The following ARK2N variants were observed in gnomAD, a reference collection of about 807,000 sequenced individuals.
ARK2N encodes protein ARK2N.
the ARK2N span, among the ~76,000 whole-genome samples, chr18:46,228,338 A>T: frequency 6.6e-6 from 1 of 152,194 alleles, no homozygotes; most frequent in Non-Finnish European, 1.5e-5. Context: ...AAACTGCTTC[A>T]AGCACTTAAC....
the ARK2N span, among the ~76,000 whole-genome samples, chr18:46,199,750 A>G: frequency 0.017 from 2,660 of 152,188 alleles, 74 homozygotes; most frequent in African/African-American, 0.06. Flanking sequence ...TGGGACTGCA[A>G]CTGTTTAACT....
At chr18:46,261,352 C>T in the ARK2N span, among the ~76,000 whole-genome samples, 2 of 152,204 alleles carry the variant, frequency 1.3e-5, no homozygotes. Context: ...CTGTTTAAGC[C>T]TCAGTTTCCC....
chr18:46,260,987 A>T, the ARK2N span, among the ~76,000 whole-genome samples: 12 of 152,200 alleles, frequency 7.9e-5, no homozygotes, highest in Non-Finnish European at 1.3e-4. Flanking sequence ...CAGATAAACA[A>T]TTGGGACTAT....
At chr18:46,239,209 C>T in the ARK2N span, among the ~76,000 whole-genome samples, 1 of 152,120 alleles carries the variant, frequency 6.6e-6, no homozygotes, top group African/African-American at 2.4e-5. Flanking sequence ...AACTCAGCTG[C>T]CTTTTTCAGC....
At chr18:46,180,459 C>G in the ARK2N span, among the ~76,000 whole-genome samples, 1 of 152,210 alleles carries the variant, frequency 6.6e-6, no homozygotes, top group Admixed American at 6.5e-5. Flanking sequence ...GTAATCCCAG[C>G]ACTTTGGGAG....
At chr18:46,237,574 A>G in the ARK2N span, among the ~76,000 whole-genome samples, 3 of 152,092 alleles carry the variant, frequency 2.0e-5, no homozygotes, top group African/African-American at 7.2e-5. Context: ...TTTTTAGTAG[A>G]GATGGGATTT....
At chr18:46,183,392 T>C in the ARK2N span, among the ~76,000 whole-genome samples, 942 of 152,324 alleles carry the variant, frequency 6.2e-3, 11 homozygotes, top group African/African-American at 0.021. Flanking sequence ...ATAATATATA[T>C]TCTTTCTCTT....
the ARK2N span, chr18:46,216,191 C>A: frequency 6.2e-7 from 1 of 1,613,968 alleles, no homozygotes; most frequent in Non-Finnish European, 8.5e-7. This position sits in a 1 kb window ranked among gnomAD's most constrained non-coding sequence, Gnocchi z 4.3. Context: ...GGTCACCTGG[C>A]TGATTCAGAT....
At chr18:46,228,513 G>A in the ARK2N span, among the ~76,000 whole-genome samples, 5 of 152,104 alleles carry the variant, frequency 3.3e-5, no homozygotes, top group Non-Finnish European at 7.4e-5. Context: ...GAATAATCAG[G>A]CAAGAGCTCT....
chr18:46,262,148 G>A, the ARK2N span, among the ~76,000 whole-genome samples: 2 of 152,186 alleles, frequency 1.3e-5, 1 homozygote, highest in Non-Finnish European at 2.9e-5. Context: ...AGAACTTAGT[G>A]TTTTGGCCTG....
chr18:46,176,701 TCCA>T, the ARK2N span, among the ~76,000 whole-genome samples: 1 of 151,682 alleles, frequency 6.6e-6, no homozygotes, highest in Non-Finnish European at 1.5e-5. Context: ...CACCGCAACC[TCCA>T]CCTCCTGGGT....
chr18:46,176,869 G>A, the ARK2N span, among the ~76,000 whole-genome samples: 1 of 152,092 alleles, frequency 6.6e-6, no homozygotes, highest in African/African-American at 2.4e-5. Flanking sequence ...TGCCTGCCTC[G>A]GCTCCCAGAG....
At chr18:46,250,529 G>GT in the ARK2N span, among the ~76,000 whole-genome samples, 638 of 39,834 alleles carry the variant, frequency 0.016, 6 homozygotes, top group African/African-American at 0.037. Flanking sequence ...ATTTTCCATT[G>GT]TTTTTTTTTC....
At chr18:46,237,236 C>T in the ARK2N span, among the ~76,000 whole-genome samples, 241 of 151,988 alleles carry the variant, frequency 1.6e-3, 1 homozygote, top group African/African-American at 5.7e-3. Context: ...AGAGATATTT[C>T]TTTTAAAAAG....
At chr18:46,202,279 A>C in the ARK2N span, among the ~76,000 whole-genome samples, 2 of 152,152 alleles carry the variant, frequency 1.3e-5, no homozygotes, top group Non-Finnish European at 2.9e-5. Flanking sequence ...AAAATGTTGC[A>C]ATTTCCTCAG....
At chr18:46,217,226 C>T in the ARK2N span, 1 of 153,130 alleles carries the variant, frequency 6.5e-6, no homozygotes, top group Non-Finnish European at 1.5e-5. Flanking sequence ...TCCGCTTGTT[C>T]TAGCTCTCAT....
chr18:46,236,057 A>G, the ARK2N span, among the ~76,000 whole-genome samples: 1 of 152,246 alleles, frequency 6.6e-6, no homozygotes, highest in African/African-American at 2.4e-5. Context: ...CCTATTTATT[A>G]TAGGATAGAA....
chr18:46,262,784 G>A, the ARK2N span: 3 of 781,354 alleles, frequency 3.8e-6, no homozygotes, highest in South Asian at 3.5e-5. Context: ...AGAGATGGAG[G>A]GAAGGATATT....
At chr18:46,236,901 T>C in the ARK2N span, among the ~76,000 whole-genome samples, 1 of 151,702 alleles carries the variant, frequency 6.6e-6, no homozygotes, top group Non-Finnish European at 1.5e-5. Flanking sequence ...TCTTGCTCTG[T>C]TGGCCACACT....
Sources: allele counts gnomAD v4.1 joint callset (sites outside exome capture counted in the v4.1 genomes callset), GRCh38; gene constraint gnomAD v4.1.1; non-coding constraint Gnocchi (gnomAD v3.1); transcripts MANE v1.5; gene names NCBI Gene and HGNC (gene_info 2026-07-23, HGNC 2026-07-21).